TNRC18: variants seen among roughly 807,000 people sequenced by gnomAD.
TNRC18 encodes trinucleotide repeat-containing gene 18 protein.
In TNRC18, 69 loss-of-function variants were observed where a neutral mutation model predicts 226.7. The ratio of observed to expected loss-of-function variants is 0.30; its 90% CI spans 0.25 to 0.37. TNRC18 has a LOEUF of 0.37. TNRC18 is among the 10% of genes least tolerant of loss of function. The pLI, the probability that TNRC18 is intolerant of heterozygous loss-of-function variation, is 1.00. For missense variants in TNRC18, 4,754 were observed against 4,256.6 expected, an observed-to-expected ratio of 1.12 and a Z score of -3.25; for synonymous variants, 2,449 against 1,927.6, an observed-to-expected ratio of 1.27 and a Z score of -7.09.
intron 16 of TNRC18, among the ~76,000 whole-genome samples, chr7:5,355,314 T>C (rs1347105147): frequency 6.6e-6 from 1 of 152,186 alleles, no homozygotes; most frequent in African/African-American, 2.4e-5. Flanking sequence ...TTCAGTCCCA[T>C]CAGGAATGCT....
At chr7:5,365,423 T>C (rs1297331297) in intron 11 of TNRC18, among the ~76,000 whole-genome samples, 1 of 151,812 alleles carries the variant, frequency 6.6e-6, no homozygotes, top group Non-Finnish European at 1.5e-5. Flanking sequence ...TCCTATCTTT[T>C]TGTAATAGGA....
intron 14 of TNRC18, 97 bp from the exon 15 acceptor site, chr7:5,359,666 C>G: frequency 8.4e-6 from 12 of 1,420,664 alleles, no homozygotes; most frequent in Non-Finnish European, 1.1e-5. Context: ...GCTCTGGACC[C>G]TGAGCGTGGA....
intron 17 of TNRC18, among the ~76,000 whole-genome samples, chr7:5,351,376 G>T (rs1276034337): frequency 6.6e-6 from 1 of 152,010 alleles, no homozygotes; most frequent in East Asian, 1.9e-4. Context: ...CCACACGACA[G>T]AATTCCATTT....
chr7:5,330,415 T>G (rs1161452320), intron 19 of TNRC18, among the ~76,000 whole-genome samples: 5 of 149,390 alleles, frequency 3.3e-5, no homozygotes, highest in Admixed American at 1.3e-4. Context: ...TTTTTGTTGT[T>G]TTTTTTTTTT....
rs752572787 is a variant in TNRC18 at position 5,345,773 on chromosome 7, G to C, written c.5508C>G (p.Leu1836=). The C allele has an allele frequency of 6.5e-6, 10 of 1,546,510 alleles. No homozygotes were observed. The highest frequency in any genetic ancestry group is 8.7e-6 in the Non-Finnish European group (10 of 1,146,788). The stretch of plus-strand genomic sequence containing the variant: ...CACCGCTGGCCTCGTCCTCCTCCTC[G>C]AGCTCCTCCTCCTCGTCCTCCTCCT... ...SSEEEDEEEE[L]EEEDEASGGG... Residue 1836 remains leucine (L), a synonymous_variant, in exon 18 of 30, where the codon CTC becomes CTG. Transcript: ENST00000430969.
chr7:5,328,407 C>A (rs1002656255), intron 19 of TNRC18, among the ~76,000 whole-genome samples: 38 of 152,026 alleles, frequency 2.5e-4, no homozygotes, highest in Admixed American at 2.6e-4. Flanking sequence ...GTGGTATACA[C>A]CTGTAATCCC....
chr7:5,357,342 C>A, intron 15 of TNRC18, 66 bp from the exon 16 acceptor site: 1 of 1,497,832 alleles, frequency 6.7e-7, no homozygotes, highest in South Asian at 1.3e-5. Context: ...TTTCAGTGCA[C>A]ATGCTCTGCC....
Position 5,354,445 on chromosome 7 carries a change from G to C in TNRC18, c.5195-2351C>G, listed in dbSNP as rs184045057. ...GATCAAAAGAACAGCAATCTCCCCC[G>C]ACTTCCCTGAACCCCCTTCACTTTT... On this transcript the variant is annotated intron_variant, in intron 16 of 29. Transcript: ENST00000430969. 2.9e-3 allele frequency among the ~76,000 whole-genome samples: 440 copies of C among 151,576 alleles called. 5 individuals are homozygous for C. The highest frequency in any genetic ancestry group is 4.3e-3 in the Non-Finnish European group (289 of 67,926).
intron 5 of TNRC18, among the ~76,000 whole-genome samples, chr7:5,382,379 GC>G (rs1274075893): frequency 2.0e-5 from 3 of 152,096 alleles, no homozygotes; most frequent in Non-Finnish European, 4.4e-5. Context: ...TGCAGCAAAA[GC>G]CCCCGAGTCT....
rs753220707 is a variant in TNRC18 at position 5,324,167 on chromosome 7, A to G, written c.6442+47T>C. 6.5e-7 allele frequency: 1 copy of G among 1,544,180 alleles called. No homozygotes were observed. The highest frequency in any genetic ancestry group is 2.4e-5 in the East Asian group (1 of 41,414). On this transcript the variant is annotated intron_variant, in intron 21 of 29. Transcript: ENST00000430969. The surrounding 1 kb of genome is among the most constrained non-coding windows in gnomAD (Gnocchi z 4.8). The stretch of plus-strand genomic sequence containing the variant: ...TGCTCAGATCTGCCTCCCCCAAGGG[A>G]GGCTCCAGCAGCCCCGCCCGGCACA...
Position 5,377,645 on chromosome 7 carries a change from T to G in TNRC18, c.2256-69A>C, listed in dbSNP as rs892902030. On this transcript the variant is annotated intron_variant, in intron 6 of 29. Transcript: ENST00000430969. This position sits in a 1 kb window ranked among gnomAD's most constrained non-coding sequence, Gnocchi z 5.8. ...AGGGGACGAGAGGGAGAAGCGGGGT[T>G]GCCCCAAGGAACTGTTTGCCACCAG... 1.4e-6 allele frequency: 2 copies of G among 1,479,646 alleles called. No individual in the cohort carries two copies. The highest frequency in any genetic ancestry group is 1.8e-6 in the Non-Finnish European group (2 of 1,092,596). The allele number at this position is 1,479,646 out of a possible 1,614,324, so 91.7% of individuals were successfully genotyped here.
In TNRC18 at chr7:5,325,209, G is replaced by A; in HGVS notation, c.6187C>T (p.Pro2063Ser). The A allele has an allele frequency of 6.4e-7, 1 of 1,554,622 alleles. No individual in the cohort carries two copies. The highest frequency in any genetic ancestry group is 8.7e-7 in the Non-Finnish European group (1 of 1,151,634). ...GKEAGPGAGL[P>S]PPRAPALPSE... The stretch of plus-strand genomic sequence containing the variant: ...GGCAAGGCAGGAGCTCGGGGCGGCG[G>A]CAGCCCAGCTCCTGGCCCAGCCTCT... Residue 2063 changes from proline to serine, a missense_variant, in exon 20 of 30, where the codon CCG becomes TCG. Pro to Ser is a moderately conservative substitution (Grantham distance 74, BLOSUM62 -1). Transcript: ENST00000430969.
At position 5,389,071 on chromosome 7, in the gene TNRC18, C is replaced by T; in HGVS notation, c.753G>A (p.Gln251=). ...LTQEARAEGR[Q]DRGPPRLAER... is the part of the protein sequence containing the mutation. ...CAGCCAGGCGCGGGGGCCCCCGGTCCTGGCGGCCCTCGGCGCGCGCCTCCT... is the reference window on the plus strand; with the variant it reads ...CAGCCAGGCGCGGGGGCCCCCGGTCTTGGCGGCCCTCGGCGCGCGCCTCCT... The change falls in exon 5 of 30, where the codon CAG becomes CAA. Residue 251 remains glutamine (Q), a synonymous_variant. Coordinates refer to ENST00000430969, the MANE Select transcript of TNRC18 (RefSeq NM_001080495.3). 1 of 1,280,832 alleles carries T rather than the reference C, an allele frequency of 7.8e-7. No homozygotes were observed. The highest frequency in any genetic ancestry group is 9.9e-7 in the Non-Finnish European group (1 of 1,006,118). 79.3% of individuals were successfully genotyped at this position (1,280,832 alleles called of 1,614,324 possible). A position where few individuals can be genotyped will look rare whatever the true frequency, so the allele number is the denominator to read the frequency against.
At chr7:5,389,400 G>A (rs1320622529) in intron 4 of TNRC18, 64 bp from the exon 5 acceptor site, 10 of 1,221,782 alleles carry the variant, frequency 8.2e-6, no homozygotes, top group Non-Finnish European at 1.0e-5. Flanking sequence ...CTGCCTGGGC[G>A]GAGGCGGACC....
At position 5,357,256 on chromosome 7, in the gene TNRC18, C is replaced by T. The variant is rs528071743; in HGVS notation, c.4854G>A (p.Lys1618=). The T allele has an allele frequency of 4.2e-5, 68 of 1,609,634 alleles. No individual in the cohort carries two copies. The highest frequency in any genetic ancestry group is 5.6e-5 in the Non-Finnish European group (66 of 1,177,978). The part of the protein sequence containing the change: ...FISQLKIKKK[K]MASDQEQLAS... The stretch of plus-strand genomic sequence containing the variant: ...CCAACTGCTCCTGGTCGCTGGCCAT[C>T]TTCTTCTTCTTAATCTTTAGCTGGA... The change falls in exon 16 of 30, where the codon AAG becomes AAA. Residue 1618 remains lysine, a synonymous_variant. Transcript: ENST00000430969.
Position 5,307,872 on chromosome 7 carries a change from T to G in TNRC18, c.*234A>C. 1 of 569,180 alleles carries G rather than the reference T, an allele frequency of 1.8e-6. No individual in the cohort carries two copies. Among genetic ancestry groups the G allele is most frequent in the Non-Finnish European group, 3.2e-6 (1 of 316,708 alleles). 35.3% of individuals were successfully genotyped at this position (569,180 alleles called of 1,614,324 possible). ...TACCCTGATAGCTAAGAGGGGCCCC[T>G]GTCCTGGGGGCACTGAGGGGTTGGA... is the stretch of plus-strand genomic sequence containing the variant. On this transcript the variant is annotated 3_prime_UTR_variant, in exon 30 of 30. Coordinates refer to ENST00000430969, the MANE Select transcript of TNRC18 (RefSeq NM_001080495.3).
At chr7:5,343,876 CT>C (rs1790909256) in intron 18 of TNRC18, among the ~76,000 whole-genome samples, 1 of 152,194 alleles carries the variant, frequency 6.6e-6, no homozygotes, top group African/African-American at 2.4e-5. Context: ...GTGATATTCG[CT>C]TTATGGTTTG....
At chr7:5,321,901 A>G (rs1788406678) in intron 21 of TNRC18, among the ~76,000 whole-genome samples, 2 of 151,100 alleles carry the variant, frequency 1.3e-5, no homozygotes, top group Non-Finnish European at 2.9e-5. Context: ...CGAGCCCCTG[A>G]CCTCCGGTGA....
chr7:5,318,148 AG>A (rs1425293845), intron 24 of TNRC18, among the ~76,000 whole-genome samples: 3 of 152,158 alleles, frequency 2.0e-5, no homozygotes, highest in Non-Finnish European at 4.4e-5. Flanking sequence ...TTGAGATTAC[AG>A]GTGTGAGCCA....
Sources: gnomAD v4.1 joint callset for allele counts (sites outside exome capture counted in the v4.1 genomes callset) on GRCh38, gnomAD v4.1.1 for gene constraint, Gnocchi (gnomAD v3.1) non-coding constraint, MANE v1.5 for transcripts, NCBI Gene and HGNC (gene_info 2026-07-23, HGNC 2026-07-21) for gene names.